The following SPEF2 variants were observed in gnomAD, a reference collection of about 807,000 sequenced individuals.
SPEF2 encodes sperm flagella and cilia-associated protein 2.
A neutral mutation model predicts 224.6 loss-of-function variants in SPEF2; 187 were observed. The observed-to-expected ratio is 0.83, with a 90% CI of 0.74 to 0.94. The LOEUF (loss-of-function observed/expected upper bound fraction) is 0.94, where lower values mean the gene tolerates loss of function less well. SPEF2 is among the 40% of genes least tolerant of loss of function. SPEF2 has a pLI of 0.00. For missense variants in SPEF2, 2,170 were observed against 2,135.6 expected (o/e 1.02, Z -0.32); for synonymous variants, 715 against 707.3 (o/e 1.01, Z -0.17).
chr5:35,717,435 G>A (rs1274884894), intron 20 of SPEF2, among the ~76,000 whole-genome samples: 2 of 152,148 alleles, frequency 1.3e-5, no homozygotes, highest in African/African-American at 4.8e-5. Flanking sequence ...ATTATTGTAG[G>A]TGCTACCAAG....
At chr5:35,632,351 A>G (rs1218753024) in intron 2 of SPEF2, among the ~76,000 whole-genome samples, 3 of 152,170 alleles carry the variant, frequency 2.0e-5, no homozygotes, top group Admixed American at 6.5e-5. Context: ...GCAGCAGGAG[A>G]GAGAAGAGTG....
In SPEF2 at chr5:35,644,353, A is replaced by G; in HGVS notation, c.415-2A>G. 1 of 1,495,378 alleles carries G rather than the reference A, an allele frequency of 6.7e-7. No homozygotes were observed. The highest frequency in any genetic ancestry group is 8.9e-7 in the Non-Finnish European group (1 of 1,119,438). 92.6% of individuals were successfully genotyped at this position (1,495,378 alleles called of 1,614,324 possible). On this transcript the variant is annotated splice_acceptor_variant, in intron 3 of 36. Transcript: ENST00000356031. LOFTEE classifies it high-confidence loss of function. ...ATCTTTTGAAATGCTTTTTTCATTT[A>G]GAGACTTAGACACATGATACCACGT... is the stretch of plus-strand genomic sequence containing the variant.
At chr5:35,812,312 T>C (rs13436632) in intron 36 of SPEF2, among the ~76,000 whole-genome samples, 65,785 of 151,934 alleles carry the variant, frequency 0.43, 14,932 homozygotes, top group African/African-American at 0.55. Context: ...AGGGTCCAAA[T>C]TGAAGTCCCA....
chr5:35,692,609 A>G lies in SPEF2; in HGVS notation c.1784A>G (p.Gln595Arg). 1.2e-6 allele frequency: 2 copies of G among 1,613,532 alleles called. No individual in the cohort carries two copies. The highest frequency in any genetic ancestry group is 1.1e-5 in the South Asian group (1 of 91,038). Residue 595 changes from glutamine (Q) to arginine (R), a missense_variant, in exon 12 of 37, where the codon CAA becomes CGA. Coordinates refer to ENST00000356031, the MANE Select transcript of SPEF2 (RefSeq NM_024867.4). ...IQILSIDTLV[Q>R]EAIQAFHDNE... ...ATACTTTCTATTGACACTCTTGTCC[A>G]AGAAGCTATCCAAGCATTTCATGAC...
chr5:35,808,881 CATAT>C (rs34389759), intron 36 of SPEF2, among the ~76,000 whole-genome samples: 181 of 143,328 alleles, frequency 1.3e-3, no homozygotes, highest in African/African-American at 4.5e-3. Flanking sequence ...TTGGGTTTTA[CATAT>C]ATATATATAT....
intron 20 of SPEF2, among the ~76,000 whole-genome samples, chr5:35,725,856 C>CA (rs928231338): frequency 4.6e-5 from 7 of 151,794 alleles, no homozygotes; most frequent in South Asian, 2.1e-4. Flanking sequence ...GTTCTTACAA[C>CA]AAAAAAAATT....
chr5:35,811,525 C>T (rs778003595), intron 36 of SPEF2, among the ~76,000 whole-genome samples: 1 of 151,954 alleles, frequency 6.6e-6, no homozygotes, highest in Non-Finnish European at 1.5e-5. Context: ...GGGTTCATAC[C>T]TATGAAGTGT....
At chr5:35,779,029 T>C (rs1247487593) in intron 29 of SPEF2, 88 bp from the exon 30 acceptor site, 10 of 911,648 alleles carry the variant, frequency 1.1e-5, no homozygotes, top group East Asian at 1.0e-4. Context: ...ATAATCTGTT[T>C]ACTTTTGTGT....
chr5:35,721,013 T>C (rs1043140296), intron 20 of SPEF2, among the ~76,000 whole-genome samples: 2 of 152,226 alleles, frequency 1.3e-5, no homozygotes, highest in African/African-American at 2.4e-5. Flanking sequence ...GCAAAAACCT[T>C]TTATATCCCT....
chr5:35,786,540 T>G lies in SPEF2; in HGVS notation c.4448-5800T>G, dbSNP rs115108893. On this transcript the variant is annotated intron_variant, in intron 30 of 36. Transcript: ENST00000356031. ...CCGGGCGTGGTGGCAGTTGCTTGTA[T>G]TCCCAACTACTCAAGAGGCTGAGAC... Among the ~76,000 whole-genome samples the G allele has an allele frequency of 2.9e-3, 434 of 152,168 alleles. 5 individuals are homozygous for G. Among genetic ancestry groups the G allele is most frequent in the African/African-American group, 1.0e-2 (415 of 41,526 alleles).
At chr5:35,715,816 C>CT (rs1554040257) in intron 20 of SPEF2, among the ~76,000 whole-genome samples, 3,023 of 117,926 alleles carry the variant, frequency 0.026, 129 homozygotes, top group African/African-American at 0.088. Flanking sequence ...GATATAATTT[C>CT]TTTTTTTTTT....
intron 5 of SPEF2, among the ~76,000 whole-genome samples, chr5:35,648,640 T>A (rs10063531): frequency 2.0e-5 from 3 of 152,152 alleles, no homozygotes; most frequent in Non-Finnish European, 2.9e-5. Context: ...TAAAGTTTTT[T>A]AAAAAGTGTT....
intron 1 of SPEF2, among the ~76,000 whole-genome samples, chr5:35,620,635 C>G (rs1003438417): frequency 2.0e-5 from 3 of 152,106 alleles, no homozygotes; most frequent in Admixed American, 1.3e-4. Context: ...ATCTGAGTAT[C>G]CTTCAAAAGT....
chr5:35,669,706 A>G (rs948850953), intron 9 of SPEF2, among the ~76,000 whole-genome samples: 1 of 152,064 alleles, frequency 6.6e-6, no homozygotes, highest in Non-Finnish European at 1.5e-5. Context: ...CAGTCAGAAC[A>G]CTTAGGTTCC....
intron 2 of SPEF2, among the ~76,000 whole-genome samples, chr5:35,638,997 A>G (rs182794131): frequency 1.3e-5 from 2 of 152,274 alleles, no homozygotes; most frequent in East Asian, 3.9e-4. Flanking sequence ...GTGAAATGGA[A>G]AAAGGGTCCC....
chr5:35,642,255 G>C (rs1746713691), intron 3 of SPEF2, among the ~76,000 whole-genome samples: 1 of 152,048 alleles, frequency 6.6e-6, no homozygotes, highest in African/African-American at 2.4e-5. Flanking sequence ...CCTCAGCATG[G>C]TATTTCTTTC....
Position 35,665,691 on chromosome 5 carries a change from A to G in SPEF2, c.1168-1381A>G, listed in dbSNP as rs927849820. On this transcript the variant is annotated intron_variant, in intron 8 of 36. Coordinates refer to ENST00000356031, the MANE Select transcript of SPEF2 (RefSeq NM_024867.4). The stretch of plus-strand genomic sequence containing the variant: ...TCTCATTGGATATTTCTGCTCTCTT[A>G]GATTCATTTTTCCTCTGAATTCTTC... Among the ~76,000 whole-genome samples the G allele has an allele frequency of 3.9e-5, 6 of 151,960 alleles. 1 individual carries two copies.
At chr5:35,639,153 C>G (rs1746248589) in intron 2 of SPEF2, among the ~76,000 whole-genome samples, 2 of 152,172 alleles carry the variant, frequency 1.3e-5, no homozygotes, top group Non-Finnish European at 2.9e-5. Context: ...ATTTCATACT[C>G]TTGTTCCACC....
intron 36 of SPEF2, among the ~76,000 whole-genome samples, chr5:35,808,409 C>T (rs920601363): frequency 2.6e-5 from 4 of 152,046 alleles, no homozygotes; most frequent in African/African-American, 9.7e-5. Flanking sequence ...CTTCCCCCAC[C>T]CCATGACAGG....
Sources: allele counts gnomAD v4.1 joint callset (sites outside exome capture counted in the v4.1 genomes callset), GRCh38; gene constraint gnomAD v4.1.1; transcripts MANE v1.5; gene names NCBI Gene and HGNC (gene_info 2026-07-23, HGNC 2026-07-21).